RUNDC3B: variants seen among roughly 807,000 people sequenced by gnomAD.
RUNDC3B encodes the protein RUN domain-containing protein 3B.
In RUNDC3B, 33 loss-of-function variants were observed where a neutral mutation model predicts 58.4. The ratio of observed to expected loss-of-function variants is 0.56; its 90% confidence interval spans 0.43 to 0.75. The LOEUF (loss-of-function observed/expected upper bound fraction) is 0.75. RUNDC3B is among the 30% of genes least tolerant of loss of function. The pLI is 0.00. For synonymous variants in RUNDC3B, 193 were observed against 195.2 expected, an observed-to-expected ratio of 0.99 and a Z score of 0.10; for missense variants, 501 against 535.7, an observed-to-expected ratio of 0.94 and a Z score of 0.64.
chr7:87,669,959 T>A (rs1465853106), intron 2 of RUNDC3B, among the ~76,000 whole-genome samples: 1 of 152,196 alleles, frequency 6.6e-6, no homozygotes, highest in Non-Finnish European at 1.5e-5. Flanking sequence ...GGGGGTGATC[T>A]TCTTGTATAG....
At chr7:87,711,309 A>G (rs911823946) in intron 4 of RUNDC3B, among the ~76,000 whole-genome samples, 1 of 152,056 alleles carries the variant, frequency 6.6e-6, no homozygotes, top group African/African-American at 2.4e-5. Context: ...CTGAGCAACA[A>G]GAGAGAAACT....
At chr7:87,771,063 T>C (rs147302626) in intron 7 of RUNDC3B, among the ~76,000 whole-genome samples, 1 of 152,324 alleles carries the variant, frequency 6.6e-6, no homozygotes, top group African/African-American at 2.4e-5. Context: ...ATGCAGTGAT[T>C]GCCTAAGCAC....
At chr7:87,823,019 C>T (rs1185667086) in intron 10 of RUNDC3B, among the ~76,000 whole-genome samples, 2 of 151,538 alleles carry the variant, frequency 1.3e-5, no homozygotes, top group Admixed American at 6.6e-5. Context: ...ACACATGTAC[C>T]CTAAAACTTA....
chr7:87,630,343 A>C (rs1438723393), intron 1 of RUNDC3B, among the ~76,000 whole-genome samples: 2 of 152,242 alleles, frequency 1.3e-5, no homozygotes, highest in Non-Finnish European at 2.9e-5. Context: ...TTCTTCATTG[A>C]CTGTATTTGT....
intron 2 of RUNDC3B, among the ~76,000 whole-genome samples, chr7:87,697,010 C>T (rs1279412576): frequency 6.6e-6 from 1 of 152,158 alleles, no homozygotes; most frequent in Non-Finnish European, 1.5e-5. Flanking sequence ...TGGTTTTCAA[C>T]AGCTCTACTT....
intron 10 of RUNDC3B, among the ~76,000 whole-genome samples, chr7:87,826,114 CA>C (rs1213867921): frequency 6.6e-6 from 1 of 152,060 alleles, no homozygotes; most frequent in East Asian, 1.9e-4. Flanking sequence ...TGGGAGGGGC[CA>C]GGGGAAGAAT....
chr7:87,718,140 A>G (rs1040234245), intron 4 of RUNDC3B, among the ~76,000 whole-genome samples: 16 of 152,310 alleles, frequency 1.1e-4, no homozygotes, highest in Admixed American at 3.3e-4. Flanking sequence ...GATGCAAAGC[A>G]TATAAGTAAA....
intron 4 of RUNDC3B, 121 bp from the exon 5 acceptor site, chr7:87,739,670 A>T (rs867052726): frequency 4.0e-4 from 169 of 422,008 alleles, no homozygotes; most frequent in African/African-American, 2.3e-3. Flanking sequence ...TGTTTTTTTT[A>T]AAAATACAAA....
At position 87,713,077 on chromosome 7, in the gene RUNDC3B, T is replaced by C. The variant is rs571184450; in HGVS notation, c.458+2422T>C. ...AATTCTTAATTCTAATTAAATTTGATTGCAAACTTCTAGTCAAGACAAATA... is the reference window on the plus strand; with the variant it reads ...AATTCTTAATTCTAATTAAATTTGACTGCAAACTTCTAGTCAAGACAAATA... On this transcript the variant is annotated intron_variant, in intron 4 of 10. Coordinates refer to ENST00000394654, the MANE Select transcript of RUNDC3B (RefSeq NM_001134405.2). The C allele has an allele frequency of 3.9e-5, 6 of 152,308 alleles. 1 individual carries two copies. The South Asian group carries it at 1.2e-3, about 32-fold the overall frequency. 9.4% of individuals were successfully genotyped at this position (152,308 alleles called of 1,614,324 possible). A position where few individuals can be genotyped will look rare whatever the true frequency, so the allele number is the denominator to read the frequency against.
At chr7:87,673,066 C>T (rs1011733682) in intron 2 of RUNDC3B, among the ~76,000 whole-genome samples, 4 of 152,216 alleles carry the variant, frequency 2.6e-5, no homozygotes, top group Non-Finnish European at 5.9e-5. Flanking sequence ...GGTTTGTAGG[C>T]TTTCTGCTGA....
intron 10 of RUNDC3B, among the ~76,000 whole-genome samples, chr7:87,821,220 C>T (rs374416587): frequency 6.6e-6 from 1 of 151,828 alleles, no homozygotes; most frequent in Non-Finnish European, 1.5e-5. Context: ...ATGTACAAAA[C>T]TCACAAGCAT....
At chr7:87,640,916 T>G (rs1822384322) in intron 1 of RUNDC3B, among the ~76,000 whole-genome samples, 1 of 152,200 alleles carries the variant, frequency 6.6e-6, no homozygotes, top group Admixed American at 6.5e-5. Flanking sequence ...AAAACCTGTC[T>G]TTTTACCTAT....
intron 3 of RUNDC3B, among the ~76,000 whole-genome samples, chr7:87,707,744 C>A (rs1157250272): frequency 1.3e-5 from 2 of 151,746 alleles, no homozygotes; most frequent in Non-Finnish European, 2.9e-5. Context: ...TTATCATACA[C>A]CCAGTGGAGT....
At chr7:87,783,143 G>T (rs932449261) in intron 8 of RUNDC3B, among the ~76,000 whole-genome samples, 1 of 151,266 alleles carries the variant, frequency 6.6e-6, no homozygotes, top group Non-Finnish European at 1.5e-5. Context: ...CAATGTCAGT[G>T]TGTGTGTGTG....
Position 87,710,581 on chromosome 7 carries a change from G to C in RUNDC3B, c.384G>C (p.Trp128Cys). ...CTTCTTCCTTTTAGGGTAGAGCCTG[G>C]ATCAGAGTAGCACTCATGGAAAAAC... ...VSSSRAKGRA[W>C]IRVALMEKHL... The change falls in exon 4 of 11, where the codon TGG becomes TGC. Residue 128 changes from tryptophan to cysteine, a missense_variant. By Grantham distance (215) the Trp-to-Cys change is radical. Coordinates refer to ENST00000394654, the MANE Select transcript of RUNDC3B (RefSeq NM_001134405.2). 1 of 1,582,664 alleles carries C rather than the reference G, an allele frequency of 6.3e-7. No homozygotes were observed. The highest frequency in any genetic ancestry group is 8.6e-7 in the Non-Finnish European group (1 of 1,160,644).
intron 9 of RUNDC3B, 59 bp downstream of exon 9, chr7:87,807,578 C>G: frequency 8.0e-7 from 1 of 1,246,640 alleles, no homozygotes; most frequent in Non-Finnish European, 1.2e-6. Flanking sequence ...AAACATATGG[C>G]TATCTACTTT....
intron 4 of RUNDC3B, among the ~76,000 whole-genome samples, chr7:87,732,054 T>C (rs1831609750): frequency 6.6e-6 from 1 of 152,172 alleles, no homozygotes; most frequent in South Asian, 2.1e-4. Flanking sequence ...TGAAACTATA[T>C]TAAATAACTT....
chr7:87,742,689 A>G (rs1458856855), intron 6 of RUNDC3B, among the ~76,000 whole-genome samples: 2 of 152,172 alleles, frequency 1.3e-5, no homozygotes, highest in Non-Finnish European at 2.9e-5. Flanking sequence ...TTCTTGGAAA[A>G]TATAAGCAAG....
chr7:87,686,564 C>T (rs1197518950), intron 2 of RUNDC3B, among the ~76,000 whole-genome samples: 6 of 152,088 alleles, frequency 3.9e-5, no homozygotes, highest in East Asian at 3.9e-4. Flanking sequence ...TCAGAGACAA[C>T]GTTGTAAACT....
Sources: allele counts gnomAD v4.1 joint callset (sites outside exome capture counted in the v4.1 genomes callset), GRCh38; gene constraint gnomAD v4.1.1; transcripts MANE v1.5; gene names NCBI Gene and HGNC (gene_info 2026-07-23, HGNC 2026-07-21).